C2CD2: variants seen among roughly 807,000 people sequenced by gnomAD.
C2CD2 encodes C2 domain-containing protein 2.
In C2CD2, 43 loss-of-function variants were observed where a neutral mutation model predicts 74.3. That is an observed-to-expected ratio of 0.58 (90% CI 0.45 to 0.75). The LOEUF (loss-of-function observed/expected upper bound fraction) is 0.75, where lower values mean the gene tolerates loss of function less well. Ranked by LOEUF, C2CD2 falls within the 30% of genes least tolerant of loss-of-function variation. The pLI is 0.00. For missense variants in C2CD2, 801 were observed against 916.3 expected, an observed-to-expected ratio of 0.87 and a Z score of 1.63; for synonymous variants, 422 against 390.7, an observed-to-expected ratio of 1.08 and a Z score of -0.94.
intron 1 of C2CD2, among the ~76,000 whole-genome samples, chr21:41,950,112 T>C (rs560633394): frequency 2.9e-4 from 44 of 151,658 alleles, no homozygotes; most frequent in African/African-American, 1.0e-3. Context: ...GTTGTGCACA[T>C]GTACCCTAGA....
rs368465952 is a variant in C2CD2 at position 41,907,653 on chromosome 21, G to A, written c.1143+7C>T. The A allele has an allele frequency of 2.1e-5, 34 of 1,608,886 alleles. No homozygotes were observed. In the Middle Eastern group the frequency reaches 6.7e-4, roughly 32 times the overall value. ...GAACCCGGCCGCGGCGGACAGCCTC[G>A]CCCTACCTCTGCCGTGACCGAGCCC... is the stretch of plus-strand genomic sequence containing the variant. On this transcript the variant is annotated splice_region_variant and intron_variant, in intron 9 of 13. Transcript: ENST00000380486.
At chr21:41,933,502 G>A (rs192849890) in intron 2 of C2CD2, among the ~76,000 whole-genome samples, 12 of 152,328 alleles carry the variant, frequency 7.9e-5, no homozygotes, top group African/African-American at 2.4e-4. Context: ...ATTAAGCAGT[G>A]TCTCACCCTG....
At chr21:41,928,784 T>C (rs950162342) in intron 2 of C2CD2, among the ~76,000 whole-genome samples, 4 of 152,048 alleles carry the variant, frequency 2.6e-5, no homozygotes, top group Non-Finnish European at 5.9e-5. Context: ...GGGCGAGTTA[T>C]GGGTTTCCCC....
Position 41,930,918 on chromosome 21 carries a change from C to CTG in C2CD2, c.379-8835_379-8834dup, listed in dbSNP as rs778202522. Among the ~76,000 whole-genome samples the CTG allele has an allele frequency of 4.0e-5, 6 of 149,920 alleles. No homozygotes were observed. The East Asian group carries it at 5.9e-4, about 15-fold the overall frequency. On this transcript the variant is annotated intron_variant, in intron 2 of 13. Coordinates refer to ENST00000380486, the MANE Select transcript of C2CD2 (RefSeq NM_015500.2). ...TGAACCCCCACGTGCCAGGGAAGGGCTGTGGCTGAACCTGCGGGGGAAGGG... is the reference window on the plus strand; with the variant it reads ...TGAACCCCCACGTGCCAGGGAAGGGCTGTGTGGCTGAACCTGCGGGGGAAGGG...
intron 1 of C2CD2, among the ~76,000 whole-genome samples, chr21:41,943,420 T>C (rs551690430): frequency 1.6e-4 from 24 of 152,332 alleles, no homozygotes; most frequent in South Asian, 2.1e-4. Context: ...GTCCAAGTCT[T>C]GTCTAGCTCT....
At position 41,905,750 on chromosome 21, in the gene C2CD2, C is replaced by T; in HGVS notation, c.1406G>A (p.Ser469Asn). 1.2e-6 allele frequency: 2 copies of T among 1,607,710 alleles called. No individual in the cohort carries two copies. The highest frequency in any genetic ancestry group is 8.5e-7 in the Non-Finnish European group (1 of 1,174,848). ...TGTGTCTGAAGAAGAGAGTGTTTTGCTGACGGGGGCGCTGCGGCAGGCGAT... is the reference window on the plus strand; with the variant it reads ...TGTGTCTGAAGAAGAGAGTGTTTTGTTGACGGGGGCGCTGCGGCAGGCGAT... Reference protein sequence around the residue: ...QAIACRSAPVSKTLSSSDTEL... With the variant: ...QAIACRSAPVNKTLSSSDTEL... Residue 469 changes from serine (S) to asparagine (N), a missense_variant, in exon 11 of 14, where the codon AGC (serine) becomes AAC (asparagine). By Grantham distance (46) the Ser-to-Asn change is conservative. Transcript: ENST00000380486.
intron 13 of C2CD2, among the ~76,000 whole-genome samples, chr21:41,896,177 A>G (rs1169912307): frequency 6.6e-6 from 1 of 152,260 alleles, no homozygotes; most frequent in African/African-American, 2.4e-5. Context: ...TCTACGTGTA[A>G]TTGAGAAAAA....
intron 13 of C2CD2, among the ~76,000 whole-genome samples, chr21:41,889,630 T>A (rs1407046334): frequency 1.9e-5 from 2 of 107,354 alleles, no homozygotes; most frequent in Non-Finnish European, 2.1e-5. Context: ...ATTCCTGAAT[T>A]TTTTTTCTTT....
At chr21:41,894,674 G>A (rs774138668) in intron 13 of C2CD2, 3 of 456,786 alleles carry the variant, frequency 6.6e-6, no homozygotes, top group South Asian at 4.6e-5. Flanking sequence ...AGAGAGGCAT[G>A]CAGGGGGCAG....
At chr21:41,919,202 A>G (rs1166441772) in intron 3 of C2CD2, among the ~76,000 whole-genome samples, 2 of 152,068 alleles carry the variant, frequency 1.3e-5, no homozygotes, top group South Asian at 4.1e-4. Context: ...GTGCATGTGC[A>G]TGTGTATTTG....
At chr21:41,937,731 A>T (rs553731995) in intron 2 of C2CD2, among the ~76,000 whole-genome samples, 3 of 152,364 alleles carry the variant, frequency 2.0e-5, no homozygotes, top group African/African-American at 7.2e-5. Flanking sequence ...AGAAGAATGG[A>T]TAAAGAAAAT....
At chr21:41,918,334 A>C (rs2065116144) in intron 4 of C2CD2, 107 bp from the exon 5 acceptor site, 3 of 1,196,174 alleles carry the variant, frequency 2.5e-6, no homozygotes, top group Non-Finnish European at 3.5e-6. Context: ...AAGGAAGGAA[A>C]TTACCTTCAG....
chr21:41,927,356 G>A (rs1436045355), intron 2 of C2CD2, among the ~76,000 whole-genome samples: 1 of 152,148 alleles, frequency 6.6e-6, no homozygotes, highest in Non-Finnish European at 1.5e-5. Flanking sequence ...AGTAGAGACA[G>A]GGTTTCACCA....
At chr21:41,943,206 T>C (rs2065369792) in intron 1 of C2CD2, among the ~76,000 whole-genome samples, 1 of 152,036 alleles carries the variant, frequency 6.6e-6, no homozygotes, top group Admixed American at 6.6e-5. Context: ...AGCTGAGGCA[T>C]GACAATCACT....
chr21:41,914,491 C>T, intron 6 of C2CD2, 107 bp downstream of exon 6: 1 of 896,990 alleles, frequency 1.1e-6, no homozygotes, highest in Non-Finnish European at 1.6e-6. Context: ...CCCGCTGCAC[C>T]CCCACGGGAG....
In C2CD2 at chr21:41,905,803, C is replaced by T. The variant is rs1569061905; in HGVS notation, c.1353G>A (p.Val451=). The change falls in exon 11 of 14, where the codon GTG becomes GTA. Residue 451 remains valine (V), a synonymous_variant. Transcript: ENST00000380486. ...SPVKTPIKVK[V]IEKDISVQAI... is the part of the protein sequence containing the mutation. ...CCTGGACAGAGATGTCCTTCTCGATCACCTTCACCTTGATGGGAGTCTTCA... is the reference window on the plus strand; with the variant it reads ...CCTGGACAGAGATGTCCTTCTCGATTACCTTCACCTTGATGGGAGTCTTCA... 6.2e-7 allele frequency: 1 copy of T among 1,609,732 alleles called. No homozygotes were observed. Among genetic ancestry groups the T allele is most frequent in the Non-Finnish European group, 8.5e-7 (1 of 1,176,016 alleles).
At chr21:41,905,910 G>T in intron 10 of C2CD2, 73 bp from the exon 11 acceptor site, 1 of 848,622 alleles carries the variant, frequency 1.2e-6, no homozygotes, top group Non-Finnish European at 2.0e-6. Flanking sequence ...AAAAGTGAAA[G>T]GACAGCCCTC....
Position 41,899,485 on chromosome 21 carries a change from C to T in C2CD2, c.1561-123G>A, listed in dbSNP as rs1051757798. On this transcript the variant is annotated intron_variant, in intron 12 of 13. Coordinates refer to ENST00000380486, the MANE Select transcript of C2CD2 (RefSeq NM_015500.2). The surrounding 1 kb of genome is among the most constrained non-coding windows in gnomAD (Gnocchi z 4.4). The stretch of plus-strand genomic sequence containing the variant: ...ATTTCAAAGTCTCAGAAGATGCAGC[C>T]GTGGGCCTCATAGAAGGCGCTTATA... The T allele has an allele frequency of 1.8e-5, 17 of 959,538 alleles. No homozygotes were observed. Among genetic ancestry groups the T allele is most frequent in the East Asian group, 1.5e-4 (6 of 40,224 alleles). The allele number at this position is 959,538 out of a possible 1,614,324, so 59.4% of individuals were successfully genotyped here.
intron 4 of C2CD2, among the ~76,000 whole-genome samples, chr21:41,918,431 T>C (rs577194010): frequency 1.3e-5 from 2 of 152,224 alleles, no homozygotes; most frequent in Admixed American, 1.3e-4. Flanking sequence ...AAGTTACGAG[T>C]GCAGCACCCT....
Sources: gnomAD v4.1 joint callset for allele counts (sites outside exome capture counted in the v4.1 genomes callset) on GRCh38, gnomAD v4.1.1 for gene constraint, Gnocchi (gnomAD v3.1) non-coding constraint, MANE v1.5 for transcripts, NCBI Gene and HGNC (gene_info 2026-07-23, HGNC 2026-07-21) for gene names.